The following DDX10 variants were observed in gnomAD, a reference collection of about 807,000 sequenced individuals.
The protein encoded by DDX10 is probable ATP-dependent RNA helicase DDX10.
DDX10 carries 74 observed loss-of-function variants against 104.3 expected under a neutral mutation model. The observed-to-expected ratio is 0.71, with a 90% CI of 0.59 to 0.86. DDX10 has a LOEUF of 0.86. Ranked by LOEUF, DDX10 falls within the 40% of genes least tolerant of loss-of-function variation. The pLI is 0.00. For synonymous variants in DDX10, 351 were observed against 353.4 expected, an observed-to-expected ratio of 0.99 and a Z score of 0.08; for missense variants, 952 against 1,040.0, an observed-to-expected ratio of 0.92 and a Z score of 1.16.
intron 15 of DDX10, among the ~76,000 whole-genome samples, chr11:108,842,035 A>G (rs905269461): frequency 6.6e-6 from 1 of 152,190 alleles, no homozygotes; most frequent in African/African-American, 2.4e-5. Context: ...GATTCAACTT[A>G]ATAAATTTCC....
chr11:108,705,120 A>G (rs2094274034), intron 9 of DDX10, among the ~76,000 whole-genome samples: 1 of 152,188 alleles, frequency 6.6e-6, no homozygotes, highest in African/African-American at 2.4e-5. Flanking sequence ...GCAGGCTCTA[A>G]TGTACCTTTC....
chr11:108,813,176 G>T (rs1001104685), intron 13 of DDX10, among the ~76,000 whole-genome samples: 3 of 152,022 alleles, frequency 2.0e-5, no homozygotes, highest in Non-Finnish European at 4.4e-5. Context: ...TCCTAGAAGT[G>T]AAATAACTAA....
chr11:108,736,827 C>T (rs1336072423), intron 13 of DDX10, among the ~76,000 whole-genome samples: 1 of 152,156 alleles, frequency 6.6e-6, no homozygotes. Flanking sequence ...TTATAAATTA[C>T]ACTGTTCCAG....
At chr11:108,845,412 C>G (rs1323915391) in intron 15 of DDX10, among the ~76,000 whole-genome samples, 1 of 152,074 alleles carries the variant, frequency 6.6e-6, no homozygotes, top group Non-Finnish European at 1.5e-5. Flanking sequence ...ACTATAATGA[C>G]AATTCTTAGT....
At chr11:108,694,901 A>C (rs1388222798) in intron 9 of DDX10, among the ~76,000 whole-genome samples, 1 of 152,064 alleles carries the variant, frequency 6.6e-6, no homozygotes, top group East Asian at 1.9e-4. Flanking sequence ...AAACAAAACA[A>C]ATAAAAAAAA....
At chr11:108,774,669 C>T (rs1464492021) in intron 13 of DDX10, among the ~76,000 whole-genome samples, 1 of 152,042 alleles carries the variant, frequency 6.6e-6, no homozygotes, top group Non-Finnish European at 1.5e-5. Flanking sequence ...CCTTTTAACC[C>T]TATAGTCTTT....
At chr11:108,866,500 G>A (rs573132310) in intron 16 of DDX10, among the ~76,000 whole-genome samples, 1 of 152,164 alleles carries the variant, frequency 6.6e-6, no homozygotes, top group South Asian at 2.1e-4. Flanking sequence ...AGGTGAAAAG[G>A]GCATTTTATT....
At chr11:108,915,443 TTTG>T (rs1331943382) in intron 16 of DDX10, among the ~76,000 whole-genome samples, 1 of 104,614 alleles carries the variant, frequency 9.6e-6, no homozygotes, top group South Asian at 2.8e-4. Flanking sequence ...TTTTTTTTTT[TTTG>T]GTTTTTTTTT....
chr11:108,841,204 G>A (rs1405705278), intron 14 of DDX10, 111 bp from the exon 15 acceptor site: 2 of 831,002 alleles, frequency 2.4e-6, no homozygotes, highest in East Asian at 5.1e-5. Flanking sequence ...AGATTAGATT[G>A]TAAGGCAGAA....
chr11:108,937,160 G>A (rs774315766), intron 17 of DDX10, among the ~76,000 whole-genome samples: 21 of 152,286 alleles, frequency 1.4e-4, no homozygotes, highest in Non-Finnish European at 2.4e-4. Context: ...AGCAAACACC[G>A]TGGAAATGCC....
chr11:108,892,909 A>G (rs1197363830), intron 16 of DDX10, among the ~76,000 whole-genome samples: 2 of 152,114 alleles, frequency 1.3e-5, no homozygotes, highest in Non-Finnish European at 2.9e-5. Context: ...CTGTTGCTCT[A>G]CTAAACAACC....
chr11:108,924,229 C>T (rs1172231366), intron 17 of DDX10, among the ~76,000 whole-genome samples: 1 of 152,128 alleles, frequency 6.6e-6, no homozygotes, highest in Non-Finnish European at 1.5e-5. Flanking sequence ...GGTGATGATT[C>T]AACTCTTACT....
At chr11:108,810,569 C>T (rs1253654580) in intron 13 of DDX10, among the ~76,000 whole-genome samples, 2 of 152,070 alleles carry the variant, frequency 1.3e-5, no homozygotes, top group African/African-American at 2.4e-5. Context: ...TTATTTACAA[C>T]CTACTGATTG....
chr11:108,733,374 T>C (rs2094314612), intron 13 of DDX10, among the ~76,000 whole-genome samples: 1 of 152,190 alleles, frequency 6.6e-6, no homozygotes, highest in Admixed American at 6.5e-5. Flanking sequence ...TTAGTGACTT[T>C]TAGGAACTTG....
chr11:108,732,510 C>T (rs956150717), intron 13 of DDX10, among the ~76,000 whole-genome samples: 6 of 152,104 alleles, frequency 3.9e-5, no homozygotes, highest in East Asian at 1.9e-4. Context: ...TAGACTTCGG[C>T]GTAAATGGAG....
chr11:108,725,202 G>GT (rs1201300480), intron 13 of DDX10, among the ~76,000 whole-genome samples: 1 of 151,996 alleles, frequency 6.6e-6, no homozygotes, highest in Non-Finnish European at 1.5e-5. Flanking sequence ...ATGGATGTAG[G>GT]TTTTCTTAAG....
intron 13 of DDX10, among the ~76,000 whole-genome samples, chr11:108,730,260 T>A (rs992748561): frequency 6.6e-6 from 1 of 152,186 alleles, no homozygotes; most frequent in African/African-American, 2.4e-5. Flanking sequence ...AGCTCTGGGT[T>A]CAGCTTCACC....
intron 13 of DDX10, among the ~76,000 whole-genome samples, chr11:108,756,336 G>A (rs2094344425): frequency 2.6e-5 from 4 of 152,070 alleles, no homozygotes; most frequent in South Asian, 4.1e-4. Flanking sequence ...ACATTTGGAT[G>A]TCAAGCTCAC....
At chr11:108,866,253 A>G (rs1171068287) in intron 16 of DDX10, among the ~76,000 whole-genome samples, 1 of 152,142 alleles carries the variant, frequency 6.6e-6, no homozygotes, top group Non-Finnish European at 1.5e-5. Flanking sequence ...AAACTGGTAT[A>G]TTTTTCAGGG....
Sources: gnomAD v4.1 joint callset for allele counts (sites outside exome capture counted in the v4.1 genomes callset) on GRCh38, gnomAD v4.1.1 for gene constraint, MANE v1.5 for transcripts, NCBI Gene and HGNC (gene_info 2026-07-23, HGNC 2026-07-21) for gene names.